Variants in B3GALT1 observed in about 807,000 individuals in gnomAD.
B3GALT1 encodes the protein UDP-Gal:betaGlcNAc beta 1,3-galactosyltransferase, polypeptide 1.
A neutral mutation model predicts 23.2 loss-of-function variants in B3GALT1; 10 were observed. That is an observed-to-expected ratio of 0.43 (90% confidence interval 0.27 to 0.73). The LOEUF (loss-of-function observed/expected upper bound fraction) is 0.73. Among genes scored for constraint, B3GALT1 ranks in the 30% least tolerant of loss-of-function variants. B3GALT1 has a pLI of 0.21. For missense variants in B3GALT1, 299 were observed against 405.4 expected (o/e 0.74, Z 2.25); for synonymous variants, 156 against 141.5 (o/e 1.10, Z -0.73).
intron 4 of B3GALT1, among the ~76,000 whole-genome samples, chr2:167,867,369 T>C (rs905026687): frequency 2.6e-5 from 4 of 152,172 alleles, no homozygotes; most frequent in African/African-American, 9.7e-5. Context: ...GAGGACAGGA[T>C]ACAGGAGCCT....
chr2:167,744,373 A>C (rs938217878), intron 3 of B3GALT1, among the ~76,000 whole-genome samples: 2 of 152,152 alleles, frequency 1.3e-5, no homozygotes, highest in African/African-American at 4.8e-5. Flanking sequence ...ATATATTTTC[A>C]TGTTATTTTA....
chr2:167,520,434 T>C (rs1583217), intron 2 of B3GALT1, among the ~76,000 whole-genome samples: 63,092 of 151,974 alleles, frequency 0.42, 14,427 homozygotes, highest in East Asian at 0.87. Flanking sequence ...GAGGAGTGAG[T>C]AGGAGCATTG....
intron 2 of B3GALT1, among the ~76,000 whole-genome samples, chr2:167,539,527 C>T (rs1414192378): frequency 1.3e-5 from 2 of 152,122 alleles, no homozygotes; most frequent in African/African-American, 4.8e-5. Context: ...TCAAATTGAT[C>T]TTACTTTTGG....
intron 2 of B3GALT1, among the ~76,000 whole-genome samples, chr2:167,524,866 A>G (rs920298038): frequency 6.6e-6 from 1 of 152,238 alleles, no homozygotes; most frequent in Non-Finnish European, 1.5e-5. Context: ...AGACGTTTTC[A>G]TATCAGTATG....
chr2:167,550,950 G>GC (rs1304352739), intron 2 of B3GALT1, among the ~76,000 whole-genome samples: 3 of 152,138 alleles, frequency 2.0e-5, no homozygotes, highest in Non-Finnish European at 4.4e-5. Flanking sequence ...CTCTGGAGTT[G>GC]TTCAGGGACC....
intron 3 of B3GALT1, among the ~76,000 whole-genome samples, chr2:167,667,553 C>G (rs1384669028): frequency 6.6e-6 from 1 of 152,188 alleles, no homozygotes; most frequent in East Asian, 1.9e-4. Context: ...TGTTTTCCAA[C>G]TTGGTTCCAT....
intron 3 of B3GALT1, among the ~76,000 whole-genome samples, chr2:167,710,646 T>G (rs755075549): frequency 6.6e-6 from 1 of 152,216 alleles, no homozygotes; most frequent in Non-Finnish European, 1.5e-5. Flanking sequence ...GTTACTTCAC[T>G]GGAATTTCAT....
At chr2:167,716,223 AC>A (rs946241910) in intron 3 of B3GALT1, among the ~76,000 whole-genome samples, 1 of 151,676 alleles carries the variant, frequency 6.6e-6, no homozygotes, top group Non-Finnish European at 1.5e-5. Context: ...GAATGCGGGC[AC>A]CCCCCACAGG....
intron 2 of B3GALT1, among the ~76,000 whole-genome samples, chr2:167,596,102 C>CT (rs1301644043): frequency 6.6e-6 from 1 of 152,148 alleles, no homozygotes; most frequent in African/African-American, 2.4e-5. Flanking sequence ...AAATTTCTTC[C>CT]TTTTAGCCTA....
chr2:167,666,164 C>G (rs368429093), intron 3 of B3GALT1, among the ~76,000 whole-genome samples: 9 of 152,216 alleles, frequency 5.9e-5, no homozygotes, highest in Admixed American at 2.6e-4. Context: ...TGTTCTCGTT[C>G]GTTTCAAAGA....
intron 3 of B3GALT1, among the ~76,000 whole-genome samples, chr2:167,806,560 C>A (rs983481397): frequency 2.0e-5 from 3 of 152,194 alleles, no homozygotes; most frequent in African/African-American, 7.2e-5. Context: ...GCCTTTTCTG[C>A]ATCTATTGAG....
At chr2:167,583,027 G>A (rs915899016) in intron 2 of B3GALT1, among the ~76,000 whole-genome samples, 1 of 152,154 alleles carries the variant, frequency 6.6e-6, no homozygotes, top group Non-Finnish European at 1.5e-5. Flanking sequence ...ACAGCTCCCT[G>A]TTAGTAAGCA....
intron 2 of B3GALT1, among the ~76,000 whole-genome samples, chr2:167,564,195 C>G (rs554466079): frequency 1.3e-5 from 2 of 149,530 alleles, no homozygotes; most frequent in African/African-American, 2.5e-5. Flanking sequence ...ACGGGGCGGC[C>G]GGGCAGAGAC....
intron 1 of B3GALT1, among the ~76,000 whole-genome samples, chr2:167,386,681 A>G (rs1247578674): frequency 5.9e-5 from 9 of 152,208 alleles, no homozygotes; most frequent in Admixed American, 5.2e-4. Flanking sequence ...AAGTCCATAC[A>G]GTATCAGTGT....
chr2:167,854,273 A>G (rs968381816), intron 4 of B3GALT1, among the ~76,000 whole-genome samples: 1 of 152,168 alleles, frequency 6.6e-6, no homozygotes, highest in Admixed American at 6.5e-5. Context: ...AAACAGGGGA[A>G]TCTATTCAAC....
At chr2:167,517,297 A>T (rs74497967) in intron 2 of B3GALT1, among the ~76,000 whole-genome samples, 1 of 152,072 alleles carries the variant, frequency 6.6e-6, no homozygotes, top group East Asian at 1.9e-4. Flanking sequence ...AAAGATTAGT[A>T]GCAGCAACCT....
intron 1 of B3GALT1, among the ~76,000 whole-genome samples, chr2:167,371,546 A>G (rs1697687045): frequency 6.6e-6 from 1 of 152,158 alleles, no homozygotes; most frequent in Non-Finnish European, 1.5e-5. Context: ...GACAGCTTAA[A>G]TTTATTCAAA....
At chr2:167,544,104 C>G (rs907198983) in intron 2 of B3GALT1, among the ~76,000 whole-genome samples, 1 of 152,190 alleles carries the variant, frequency 6.6e-6, no homozygotes, top group Non-Finnish European at 1.5e-5. Context: ...CCCCAGAATA[C>G]ATGCGTCCCC....
At chr2:167,666,965 T>A (rs1207907830) in intron 3 of B3GALT1, among the ~76,000 whole-genome samples, 1 of 152,060 alleles carries the variant, frequency 6.6e-6, no homozygotes, top group East Asian at 1.9e-4. Context: ...AAGTTAATAT[T>A]GTTATGTGTG....
Sources: allele counts gnomAD v4.1 joint callset (sites outside exome capture counted in the v4.1 genomes callset), GRCh38; gene constraint gnomAD v4.1.1; transcripts MANE v1.5; gene names NCBI Gene and HGNC (gene_info 2026-07-23, HGNC 2026-07-21).